The following CACNB2 variants were observed in gnomAD, a reference collection of about 807,000 sequenced individuals.
The protein encoded by CACNB2 is voltage-dependent L-type calcium channel subunit beta-2.
Under a neutral mutation model 73.3 loss-of-function variants are expected in CACNB2, and 42 were observed. The ratio of observed to expected loss-of-function variants is 0.57; its 90% CI spans 0.45 to 0.74. The LOEUF (loss-of-function observed/expected upper bound fraction) is 0.74, where lower values mean the gene tolerates loss of function less well. Ranked by LOEUF, CACNB2 falls within the 30% of genes least tolerant of loss-of-function variation. The pLI is 0.00. For missense variants in CACNB2, 940 were observed against 853.0 expected, an observed-to-expected ratio of 1.10 and a Z score of -1.27; for synonymous variants, 348 against 310.3, an observed-to-expected ratio of 1.12 and a Z score of -1.28.
At chr10:18,381,557 G>A (rs1275392004) in intron 2 of CACNB2, among the ~76,000 whole-genome samples, 6 of 151,992 alleles carry the variant, frequency 3.9e-5, no homozygotes, top group South Asian at 2.1e-4. Context: ...GCGTGATGGC[G>A]TGCACCTGTA....
At chr10:18,430,935 G>T (rs2045860381) in intron 3 of CACNB2, among the ~76,000 whole-genome samples, 1 of 152,136 alleles carries the variant, frequency 6.6e-6, no homozygotes, top group African/African-American at 2.4e-5. Flanking sequence ...AGATGCTTTT[G>T]TAATTATATT....
chr10:18,324,158 T>C (rs2040494682), intron 2 of CACNB2, among the ~76,000 whole-genome samples: 1 of 152,230 alleles, frequency 6.6e-6, no homozygotes, highest in African/African-American at 2.4e-5. Flanking sequence ...GTACCATCTA[T>C]GTGTTTCTGT....
intron 2 of CACNB2, among the ~76,000 whole-genome samples, chr10:18,168,152 G>A (rs1485371484): frequency 6.6e-6 from 1 of 152,100 alleles, no homozygotes; most frequent in African/African-American, 2.4e-5. Context: ...TGGACATGAT[G>A]GCTCATGCCT....
At chr10:18,315,179 CA>C (rs1370312879) in intron 2 of CACNB2, among the ~76,000 whole-genome samples, 1 of 151,804 alleles carries the variant, frequency 6.6e-6, no homozygotes, top group Non-Finnish European at 1.5e-5. Context: ...TTTAAAAATA[CA>C]AAAATTAGCA....
chr10:18,227,964 G>T (rs890684595), intron 2 of CACNB2, among the ~76,000 whole-genome samples: 1 of 152,130 alleles, frequency 6.6e-6, no homozygotes, highest in East Asian at 1.9e-4. Context: ...AGATGCTAGT[G>T]CTGTCTTCAG....
intron 3 of CACNB2, among the ~76,000 whole-genome samples, chr10:18,441,653 T>A (rs2046415562): frequency 6.6e-6 from 1 of 152,202 alleles, no homozygotes; most frequent in Non-Finnish European, 1.5e-5. Flanking sequence ...AAATTTTTTT[T>A]AAAGACAGGG....
chr10:18,340,853 A>AGCT lies in CACNB2; in HGVS notation c.214-61070_214-61068dup. ...GCAAAGCAAGACTTGGCTGCCTTTT[A>AGCT]GCTAGTCCTGAATTCTTGCTCCTGT... On this transcript the variant is annotated intron_variant, in intron 2 of 13. Transcript: ENST00000324631. The AGCT allele has an allele frequency of 1.4e-5, 22 of 1,613,834 alleles. No individual in the cohort carries two copies. In the South Asian group the frequency reaches 2.4e-4, roughly 18 times the overall value.
chr10:18,535,683 G>A (rs1030631582), intron 11 of CACNB2, among the ~76,000 whole-genome samples: 1 of 152,020 alleles, frequency 6.6e-6, no homozygotes, highest in Non-Finnish European at 1.5e-5. Context: ...TGAGGCAGGA[G>A]AATGGTGTGA....
chr10:18,180,730 G>A (rs755681623), intron 2 of CACNB2, among the ~76,000 whole-genome samples: 5 of 152,044 alleles, frequency 3.3e-5, no homozygotes, highest in African/African-American at 9.7e-5. Flanking sequence ...ACTTTGGGAG[G>A]CACGGGCCGG....
intron 11 of CACNB2, among the ~76,000 whole-genome samples, 159 bp from the exon 12 acceptor site, chr10:18,535,940 TTA>T (rs1460255584): frequency 8.5e-5 from 13 of 152,212 alleles, no homozygotes; most frequent in Non-Finnish European, 1.5e-4. Flanking sequence ...CAACTGTGAT[TTA>T]TGTTAACATG....
At chr10:18,341,086 T>C in intron 2 of CACNB2, 1 of 1,123,940 alleles carries the variant, frequency 8.9e-7, no homozygotes. Flanking sequence ...GTTACTTAAC[T>C]TTTTAGACTT....
At chr10:18,334,668 T>C (rs576595378) in intron 2 of CACNB2, among the ~76,000 whole-genome samples, 1 of 152,148 alleles carries the variant, frequency 6.6e-6, no homozygotes, top group East Asian at 1.9e-4. Context: ...CTCTGCCCAC[T>C]AGATTCCAGT....
intron 2 of CACNB2, among the ~76,000 whole-genome samples, chr10:18,276,776 G>A (rs12777217): frequency 0.25 from 38,138 of 151,578 alleles, 5,456 homozygotes; most frequent in East Asian, 0.58. Context: ...ACAGGGTTTC[G>A]CCATGTTGGC....
chr10:18,364,270 A>G (rs538917230), intron 2 of CACNB2, among the ~76,000 whole-genome samples: 25 of 148,592 alleles, frequency 1.7e-4, no homozygotes, highest in African/African-American at 5.2e-4. Context: ...TGCGTTTTCT[A>G]TAGCAATATT....
intron 2 of CACNB2, among the ~76,000 whole-genome samples, chr10:18,324,204 A>T (rs2040498143): frequency 6.6e-6 from 1 of 152,214 alleles, no homozygotes. Flanking sequence ...GAGGAGAATT[A>T]TATATTAGAT....
intron 5 of CACNB2, among the ~76,000 whole-genome samples, chr10:18,504,534 A>G (rs77354702): frequency 0.049 from 7,504 of 152,230 alleles, 312 homozygotes; most frequent in African/African-American, 0.1. Context: ...TTACAGCCAT[A>G]TATCTTTTCC....
Position 18,536,262 on chromosome 10 carries a change from TTTTTTTTTTTTGG to T in CACNB2, c.1302+67_1302+79del, listed in dbSNP as rs1295922413. On this transcript the variant is annotated intron_variant, in intron 12 of 13. Transcript: ENST00000324631. ...TCAGACCTTTTTTTTTTTTTTTTTT[TTTTTTTTTTTTGG>T]GGGACAAGGTCTTGCTCTGTTGCCC... 9.6e-3 allele frequency: 5,656 copies of T among 591,326 alleles called. 129 individuals carry two copies. Among genetic ancestry groups the T allele is most frequent in the East Asian group, 0.013 (277 of 21,280 alleles). 36.6% of individuals were successfully genotyped at this position (591,326 alleles called of 1,614,324 possible).
intron 2 of CACNB2, among the ~76,000 whole-genome samples, chr10:18,350,585 G>C (rs192543730): frequency 5.9e-5 from 9 of 152,104 alleles, no homozygotes; most frequent in African/African-American, 1.9e-4. Context: ...TCACCCAGGG[G>C]TACCTCCTTG....
chr10:18,315,616 C>T (rs929411658), intron 2 of CACNB2, among the ~76,000 whole-genome samples: 4 of 146,170 alleles, frequency 2.7e-5, no homozygotes, highest in Non-Finnish European at 4.5e-5. Flanking sequence ...GTAACTTGAG[C>T]ACAGAGGTTC....
Sources: allele counts gnomAD v4.1 joint callset (sites outside exome capture counted in the v4.1 genomes callset), GRCh38; gene constraint gnomAD v4.1.1; transcripts MANE v1.5; gene names NCBI Gene and HGNC (gene_info 2026-07-23, HGNC 2026-07-21).